Variants in LINGO2 observed in about 807,000 individuals in gnomAD.
LINGO2 encodes leucine-rich repeat and immunoglobulin-like domain-containing nogo receptor-interacting protein 2.
LINGO2 carries 14 observed loss-of-function variants against 30.6 expected under a neutral mutation model. The ratio of observed to expected loss-of-function variants is 0.46; its 90% CI spans 0.30 to 0.72. LINGO2 has a LOEUF of 0.72. Ranked by LOEUF, LINGO2 falls within the 30% of genes least tolerant of loss-of-function variation. The pLI is 0.07. For missense variants in LINGO2, 729 were observed against 751.7 expected (o/e 0.97, Z 0.35); for synonymous variants, 317 against 288.5 (o/e 1.10, Z -1.00).
chr9:27,982,639 TG>T (rs1820935224), intron 5 of LINGO2, among the ~76,000 whole-genome samples: 1 of 151,850 alleles, frequency 6.6e-6, no homozygotes, highest in South Asian at 2.1e-4. Flanking sequence ...AGCTAATAAG[TG>T]GCAAAACTGT....
intron 4 of LINGO2, among the ~76,000 whole-genome samples, chr9:28,265,601 A>G (rs1422067207): frequency 5.3e-5 from 8 of 151,990 alleles, no homozygotes; most frequent in Non-Finnish European, 8.8e-5. Flanking sequence ...AAGGGGCATG[A>G]CACATGCAAC....
chr9:28,498,223 G>A (rs961650102), intron 1 of LINGO2, among the ~76,000 whole-genome samples: 5 of 152,112 alleles, frequency 3.3e-5, no homozygotes, highest in African/African-American at 4.8e-5. Flanking sequence ...AGGTTTCTGC[G>A]GCCTTTTGTT....
chr9:28,244,411 C>T (rs1821923400), intron 4 of LINGO2, among the ~76,000 whole-genome samples: 1 of 151,448 alleles, frequency 6.6e-6, no homozygotes, highest in Non-Finnish European at 1.5e-5. Context: ...GATGCAAGAG[C>T]AAAGACATCA....
At chr9:28,307,162 T>C (rs550250163) in intron 3 of LINGO2, among the ~76,000 whole-genome samples, 5 of 152,162 alleles carry the variant, frequency 3.3e-5, no homozygotes, top group Admixed American at 2.6e-4. Flanking sequence ...CTGATGAACA[T>C]TGATGCAAAA....
At chr9:28,387,361 C>A (rs1821627714) in intron 2 of LINGO2, among the ~76,000 whole-genome samples, 2 of 152,174 alleles carry the variant, frequency 1.3e-5, no homozygotes, top group East Asian at 1.9e-4. Context: ...TGTAAACGCA[C>A]CAATCAGCAC....
At chr9:29,019,730 A>C in the LINGO2 span, among the ~76,000 whole-genome samples, 7 of 152,180 alleles carry the variant, frequency 4.6e-5, no homozygotes, top group African/African-American at 1.7e-4. Context: ...AAAGTTAAAA[A>C]TTTACAATGC....
the LINGO2 span, among the ~76,000 whole-genome samples, chr9:29,201,087 A>T: frequency 6.6e-6 from 1 of 152,000 alleles, no homozygotes; most frequent in African/African-American, 2.4e-5. Context: ...TTGTAACATT[A>T]CTTTTTCCTC....
chr9:28,481,089 ATG>A (rs1825945805), intron 1 of LINGO2, among the ~76,000 whole-genome samples: 1 of 21,768 alleles, frequency 4.6e-5, no homozygotes, highest in Admixed American at 6.0e-4. Flanking sequence ...GAGAATGGGC[ATG>A]GAGCCCCATT....
At chr9:28,102,160 GC>G (rs1270963651) in intron 4 of LINGO2, among the ~76,000 whole-genome samples, 2 of 141,758 alleles carry the variant, frequency 1.4e-5, no homozygotes, top group East Asian at 2.0e-4. Flanking sequence ...CTTAGAAGCA[GC>G]CCTGGGAAAG....
chr9:29,112,068 T>G, the LINGO2 span, among the ~76,000 whole-genome samples: 2 of 151,608 alleles, frequency 1.3e-5, no homozygotes, highest in Non-Finnish European at 2.9e-5. Context: ...TGATATATAA[T>G]ATGTATGATG....
intron 5 of LINGO2, among the ~76,000 whole-genome samples, chr9:27,994,713 G>A (rs969227707): frequency 6.6e-6 from 1 of 152,116 alleles, no homozygotes; most frequent in Non-Finnish European, 1.5e-5. Flanking sequence ...CCACGCATGT[G>A]CACCAATTAA....
At chr9:28,378,860 A>G (rs543147638) in intron 2 of LINGO2, among the ~76,000 whole-genome samples, 2 of 152,248 alleles carry the variant, frequency 1.3e-5, no homozygotes, top group South Asian at 2.1e-4. Flanking sequence ...CTAGACATCA[A>G]TATTCATGAG....
At chr9:28,180,209 A>G (rs560898770) in intron 4 of LINGO2, among the ~76,000 whole-genome samples, 63 of 152,240 alleles carry the variant, frequency 4.1e-4, no homozygotes, top group African/African-American at 1.5e-3. Context: ...GGCTGCCTCC[A>G]TGCCATGTGC....
At chr9:29,104,091 G>A in the LINGO2 span, among the ~76,000 whole-genome samples, 11 of 152,120 alleles carry the variant, frequency 7.2e-5, no homozygotes, top group East Asian at 1.9e-4. Flanking sequence ...ATTGCAACAC[G>A]AAATAAGAAA....
the LINGO2 span, among the ~76,000 whole-genome samples, chr9:28,713,923 C>T: frequency 2.0e-5 from 3 of 151,824 alleles, no homozygotes; most frequent in Non-Finnish European, 4.4e-5. Context: ...TTTGGGAGGC[C>T]GAGGCAGGTG....
rs909685689 is a variant in LINGO2 at position 28,147,006 on chromosome 9, G to C, written c.-86-134601C>G. ...CATCAGACAAGAAAGAACATCTGGG[G>C]TGAAAGACTCCATTAGAAGAGCAAT... On this transcript the variant is annotated intron_variant, in intron 4 of 5. Transcript: ENST00000379992. This position sits in a 1 kb window ranked among gnomAD's most constrained non-coding sequence, Gnocchi z 4.7. 2.0e-5 allele frequency among the ~76,000 whole-genome samples: 3 copies of C among 152,168 alleles called. No homozygotes were observed. The highest frequency in any genetic ancestry group is 7.2e-5 in the African/African-American group (3 of 41,430).
At chr9:28,596,106 T>C (rs568736076) in intron 1 of LINGO2, among the ~76,000 whole-genome samples, 28 of 152,308 alleles carry the variant, frequency 1.8e-4, no homozygotes, top group Admixed American at 1.1e-3. Flanking sequence ...GTCCTAATGA[T>C]AGCATATACT....
At chr9:28,287,379 C>G (rs765435700) in intron 4 of LINGO2, among the ~76,000 whole-genome samples, 1 of 152,174 alleles carries the variant, frequency 6.6e-6, no homozygotes, top group African/African-American at 2.4e-5. Context: ...GCTGAACTGA[C>G]GTTCACTTTT....
the LINGO2 span, among the ~76,000 whole-genome samples, chr9:28,970,234 G>C: frequency 2.7e-4 from 41 of 152,040 alleles, no homozygotes; most frequent in Non-Finnish European, 5.0e-4. Flanking sequence ...GCTACTGAAG[G>C]GCCTAGACTA....
Sources: gnomAD v4.1 joint callset for allele counts (sites outside exome capture counted in the v4.1 genomes callset) on GRCh38, gnomAD v4.1.1 for gene constraint, Gnocchi (gnomAD v3.1) non-coding constraint, MANE v1.5 for transcripts, NCBI Gene and HGNC (gene_info 2026-07-23, HGNC 2026-07-21) for gene names.